KIAA0319L: variants seen among roughly 807,000 people sequenced by gnomAD.
KIAA0319L encodes KIAA0319 like, also known as dyslexia-associated protein KIAA0319-like protein.
Under a neutral mutation model 120.1 loss-of-function variants are expected in KIAA0319L, and 55 were observed. The observed-to-expected ratio is 0.46, with a 90% CI of 0.37 to 0.57. The LOEUF is 0.57. Ranked by LOEUF, KIAA0319L falls within the 20% of genes least tolerant of loss-of-function variation. KIAA0319L has a pLI of 0.00. For synonymous variants in KIAA0319L, 398 were observed against 471.9 expected (o/e 0.84, Z 2.03); for missense variants, 1,049 against 1,255.3 (o/e 0.84, Z 2.48).
At position 35,434,424 on chromosome 1, in the gene KIAA0319L, G is replaced by A. The variant is rs892641316; in HGVS notation, c.*470C>T. On this transcript the variant is annotated 3_prime_UTR_variant, in exon 21 of 21. Transcript: ENST00000325722. The stretch of plus-strand genomic sequence containing the variant: ...CTACCATCTCAGCATCTGTGGTGAG[G>A]GGAGGGGTGCCACTTCCTCTTTGCC... The A allele has an allele frequency of 1.3e-5, 2 of 154,652 alleles. No homozygotes were observed. The highest frequency in any genetic ancestry group is 2.9e-5 in the Non-Finnish European group (2 of 69,916). The allele number at this position is 154,652 out of a possible 1,614,324, so 9.6% of individuals were successfully genotyped here.
chr1:35,450,986 C>T (rs1040828331), intron 13 of KIAA0319L, among the ~76,000 whole-genome samples: 3 of 152,198 alleles, frequency 2.0e-5, no homozygotes, highest in African/African-American at 4.8e-5. Flanking sequence ...CTCTCTTATT[C>T]GGAGCCCCAC....
Position 35,437,725 on chromosome 1 carries a change from C to T in KIAA0319L, c.2963-2644G>A, listed in dbSNP as rs1262518964. On this transcript the variant is annotated intron_variant, in intron 20 of 20. Transcript: ENST00000325722. The surrounding 1 kb of genome is among the most constrained non-coding windows in gnomAD (Gnocchi z 4.1). ...GATGGTCATTCTTGGGGTCCTCAAC[C>T]CTAGGCCTCTTCTTTTGTCCTTCAA... Among the ~76,000 whole-genome samples the T allele has an allele frequency of 1.3e-5, 2 of 152,168 alleles. No individual in the cohort carries two copies. The highest frequency in any genetic ancestry group is 4.8e-5 in the African/African-American group (2 of 41,442).
At chr1:35,497,661 C>A (rs1644860807) in intron 3 of KIAA0319L, among the ~76,000 whole-genome samples, 1 of 152,074 alleles carries the variant, frequency 6.6e-6, no homozygotes. Flanking sequence ...ATGGCACCCA[C>A]AGAAGAACAA....
At chr1:35,513,452 T>TA (rs953669929) in intron 2 of KIAA0319L, among the ~76,000 whole-genome samples, 4 of 151,760 alleles carry the variant, frequency 2.6e-5, no homozygotes, top group Non-Finnish European at 4.4e-5. Context: ...TTGTCTTTAC[T>TA]AAAAATTTTA....
chr1:35,466,426 T>C (rs537680432), intron 7 of KIAA0319L, among the ~76,000 whole-genome samples, 182 bp downstream of exon 7: 1 of 152,318 alleles, frequency 6.6e-6, no homozygotes, highest in African/African-American at 2.4e-5. Context: ...GCATTCCAAC[T>C]AGAGCACTGT....
intron 20 of KIAA0319L, chr1:35,440,255 CTG>C (rs1294937401): frequency 6.6e-6 from 1 of 152,232 alleles, no homozygotes; most frequent in African/African-American, 2.4e-5. Flanking sequence ...CCTCACTAGA[CTG>C]AGAGCACAGC....
In KIAA0319L at chr1:35,535,096, T is replaced by TAA. The variant is rs56965473; in HGVS notation, c.142+19252_142+19253dup. Among the ~76,000 whole-genome samples, 128 of 56,288 alleles carry TAA rather than the reference T, an allele frequency of 2.3e-3. 1 individual carries two copies. The highest frequency in any genetic ancestry group is 6.4e-3 in the African/African-American group (100 of 15,554). 36.9% of individuals were successfully genotyped at this position (56,288 alleles called of 152,430 possible). A position where few individuals can be genotyped will look rare whatever the true frequency, so the allele number is the denominator to read the frequency against. ...TGGAAGACACAGCAAGACTCCGTCT[T>TAA]AAAAAAAAAAAAAAAAAAAAAAAAA... On this transcript the variant is annotated intron_variant, in intron 2 of 20. Transcript: ENST00000325722.
In KIAA0319L at chr1:35,454,513, A is replaced by T. The variant is rs147849151; in HGVS notation, c.1657-28T>A. 2,192 of 1,610,154 alleles carry T rather than the reference A, an allele frequency of 1.4e-3. 31 individuals are homozygous for T. The South Asian group carries it at 0.017, about 12-fold the overall frequency. ...ACAAATACAAATACAGAAGTGGAAA[A>T]GTGGACTCCAGGAATCACATCACAC... On this transcript the variant is annotated intron_variant, in intron 10 of 20. Coordinates refer to ENST00000325722, the MANE Select transcript of KIAA0319L (RefSeq NM_024874.5).
chr1:35,535,330 T>C (rs934409479), intron 2 of KIAA0319L, among the ~76,000 whole-genome samples: 2 of 152,174 alleles, frequency 1.3e-5, no homozygotes, highest in African/African-American at 4.8e-5. Context: ...ATGTCCCTCA[T>C]AACATTGAGT....
Position 35,441,052 on chromosome 1 carries a change from C to A in KIAA0319L, c.2957G>T (p.Arg986Leu). Residue 986 changes from arginine (R) to leucine (L), a missense_variant, in exon 20 of 21, where the codon CGA becomes CTA. By Grantham distance (102) the Arg-to-Leu change is moderately radical. Transcript: ENST00000325722. ...QESLELKPTS[R>L]AGIKQKGLLL... ...CTGGCACCCAGGGCCCCTACCTGCT[C>A]GGGAGGTTGGCTTCAGCTCCAGGCT... The A allele has an allele frequency of 6.2e-7, 1 of 1,613,716 alleles. No homozygotes were observed. Among genetic ancestry groups the A allele is most frequent in the Non-Finnish European group, 8.5e-7 (1 of 1,179,594 alleles).
chr1:35,548,162 C>T (rs560366565), intron 2 of KIAA0319L, among the ~76,000 whole-genome samples: 1 of 151,646 alleles, frequency 6.6e-6, no homozygotes, highest in South Asian at 2.1e-4. Flanking sequence ...TACTACAGAA[C>T]ATCTAAATTC....
At chr1:35,540,984 C>T (rs78828855) in intron 2 of KIAA0319L, among the ~76,000 whole-genome samples, 1,532 of 152,148 alleles carry the variant, frequency 0.01, 35 homozygotes, top group African/African-American at 0.035. Flanking sequence ...CTCTGTGGCC[C>T]GGGCTGGAGT....
intron 3 of KIAA0319L, among the ~76,000 whole-genome samples, chr1:35,479,673 A>G (rs1233149763): frequency 6.6e-6 from 1 of 152,176 alleles, no homozygotes; most frequent in Non-Finnish European, 1.5e-5. Flanking sequence ...TGGGAGGCCA[A>G]GACAGGAGAC....
At position 35,454,353 on chromosome 1, in the gene KIAA0319L, G is replaced by C; in HGVS notation, c.1780+9C>G. ...ATAGAAGAGCCTGAACCACAAGGCTGGAGCTTACCAGGTTGCACAATAACA... is the reference window on the plus strand; with the variant it reads ...ATAGAAGAGCCTGAACCACAAGGCTCGAGCTTACCAGGTTGCACAATAACA... On this transcript the variant is annotated intron_variant, in intron 11 of 20. Coordinates refer to ENST00000325722, the MANE Select transcript of KIAA0319L (RefSeq NM_024874.5). The C allele has an allele frequency of 6.2e-7, 1 of 1,613,766 alleles. No individual in the cohort carries two copies.
chr1:35,454,867 C>T (rs536029457), intron 10 of KIAA0319L, among the ~76,000 whole-genome samples: 3 of 152,304 alleles, frequency 2.0e-5, no homozygotes, highest in Admixed American at 2.0e-4. Context: ...GATCCTCTTC[C>T]TACTGAAGCT....
At position 35,433,945 on chromosome 1, in the gene KIAA0319L, A is replaced by G. The variant is rs1017328647; in HGVS notation, c.*949T>C. ...TGGAGAGGAGGGAGGCCGTCTGTCC[A>G]GCCTGGCTGCTCTGACAAGGGCCCT... On this transcript the variant is annotated 3_prime_UTR_variant, in exon 21 of 21. Transcript: ENST00000325722. 9.8e-5 allele frequency: 15 copies of G among 152,294 alleles called. No homozygotes were observed. Among genetic ancestry groups the G allele is most frequent in the African/African-American group, 3.6e-4 (15 of 41,414 alleles). 9.4% of individuals were successfully genotyped at this position (152,294 alleles called of 1,614,324 possible). A position where few individuals can be genotyped will look rare whatever the true frequency, so the allele number is the denominator to read the frequency against.
chr1:35,434,878 G>A lies in KIAA0319L; in HGVS notation c.*16C>T. On this transcript the variant is annotated 3_prime_UTR_variant, in exon 21 of 21. Transcript: ENST00000325722. ...GCAGTGTGCTGGGCCCTGCCCTGAG[G>A]AGACAGACCAGGTGGCTACAGGATC... 1.2e-6 allele frequency: 2 copies of A among 1,609,566 alleles called. No homozygotes were observed. The highest frequency in any genetic ancestry group is 1.1e-5 in the South Asian group (1 of 90,788).
At chr1:35,517,177 A>T (rs1446298204) in intron 2 of KIAA0319L, among the ~76,000 whole-genome samples, 1 of 152,168 alleles carries the variant, frequency 6.6e-6, no homozygotes, top group East Asian at 1.9e-4. Flanking sequence ...TCAAACTACC[A>T]ATGACATTCT....
intron 6 of KIAA0319L, among the ~76,000 whole-genome samples, chr1:35,470,595 A>G (rs578144878): frequency 1.3e-5 from 2 of 152,138 alleles, no homozygotes; most frequent in East Asian, 3.9e-4. Flanking sequence ...CTTATCCCAA[A>G]TTCTAAAATC....
Sources: allele counts gnomAD v4.1 joint callset (sites outside exome capture counted in the v4.1 genomes callset), GRCh38; gene constraint gnomAD v4.1.1; non-coding constraint Gnocchi (gnomAD v3.1); transcripts MANE v1.5; gene names NCBI Gene and HGNC (gene_info 2026-07-23, HGNC 2026-07-21).